Variants in PFKFB3 observed in about 807,000 individuals in gnomAD.
PFKFB3 encodes the protein 6-phosphofructo-2-kinase/fructose-2,6-bisphosphatase 3.
Under a neutral mutation model 68.0 loss-of-function variants are expected in PFKFB3, and 33 were observed. The ratio of observed to expected loss-of-function variants is 0.49; its 90% confidence interval spans 0.37 to 0.65. The LOEUF (loss-of-function observed/expected upper bound fraction) is 0.65, where lower values mean the gene tolerates loss of function less well. Among genes scored for constraint, PFKFB3 ranks in the 30% least tolerant of loss-of-function variants. The probability of loss-of-function intolerance (pLI) is 0.00; values close to 1 mark genes in which losing one functional copy is unlikely to be tolerated. For synonymous variants in PFKFB3, 315 were observed against 288.2 expected, an observed-to-expected ratio of 1.09 and a Z score of -0.94; for missense variants, 586 against 712.2, an observed-to-expected ratio of 0.82 and a Z score of 2.02.
chr10:6,244,023 C>G (rs575753135), intron 14 of PFKFB3, among the ~76,000 whole-genome samples: 1 of 152,270 alleles, frequency 6.6e-6, no homozygotes, highest in African/African-American at 2.4e-5. Flanking sequence ...TCACGCCCAG[C>G]TAATACTTTT....
chr10:6,313,981 G>C, the PFKFB3 span, among the ~76,000 whole-genome samples: 388 of 152,356 alleles, frequency 2.5e-3, 3 homozygotes, highest in African/African-American at 9.1e-3. This position sits in a 1 kb window ranked among gnomAD's most constrained non-coding sequence, Gnocchi z 4.2. Flanking sequence ...CAGGGGACAG[G>C]TATGGGTGAG....
the PFKFB3 span, chr10:6,326,621 C>T: frequency 4.2e-5 from 19 of 448,148 alleles, no homozygotes; most frequent in African/African-American, 2.8e-4. Flanking sequence ...AGTGTGAAAA[C>T]GTTTCTGGCT....
the PFKFB3 span, among the ~76,000 whole-genome samples, chr10:6,287,579 T>G: frequency 7.9e-5 from 12 of 152,296 alleles, no homozygotes; most frequent in South Asian, 2.1e-3. Context: ...CTATCTAGGT[T>G]TGTGTAAGTA....
intron 14 of PFKFB3, among the ~76,000 whole-genome samples, chr10:6,230,727 T>C (rs1845682032): frequency 6.6e-6 from 1 of 151,988 alleles, no homozygotes; most frequent in Non-Finnish European, 1.5e-5. Context: ...GTCTTTTTTT[T>C]TTTTTGAGAT....
chr10:6,159,181 G>C (rs1167599543), intron 1 of PFKFB3, among the ~76,000 whole-genome samples: 1 of 152,102 alleles, frequency 6.6e-6, no homozygotes, highest in Non-Finnish European at 1.5e-5. Context: ...GATCCCTTGA[G>C]GTCAGGAGTT....
intron 1 of PFKFB3, among the ~76,000 whole-genome samples, chr10:6,157,487 A>G (rs1403375392): frequency 1.3e-5 from 2 of 152,128 alleles, no homozygotes; most frequent in Admixed American, 6.5e-5. Context: ...CGGCCTCCCA[A>G]AGTGCTGGGA....
At chr10:6,239,521 C>A (rs192503032), downstream of PFKFB3, among the ~76,000 whole-genome samples, 5 of 152,140 alleles carry the variant, frequency 3.3e-5, no homozygotes, top group Non-Finnish European at 7.3e-5. Flanking sequence ...AGTGTCCAGA[C>A]GAACAACAGA....
intron 6 of PFKFB3, among the ~76,000 whole-genome samples, chr10:6,217,644 C>CT (rs1844677445): frequency 6.6e-6 from 1 of 152,166 alleles, no homozygotes; most frequent in Non-Finnish European, 1.5e-5. Flanking sequence ...AGGTAAGACT[C>CT]TCCTCCTGCT....
chr10:6,254,808 CTTTTTTTTTTTTTT>C (rs144888417), downstream of PFKFB3, among the ~76,000 whole-genome samples: 15 of 61,638 alleles, frequency 2.4e-4, no homozygotes, highest in East Asian at 3.4e-3. Context: ...TTTTTCTGTT[CTTTTTTTTTTTTTT>C]TTTTTTTTTT....
the PFKFB3 span, among the ~76,000 whole-genome samples, chr10:6,267,719 C>A: frequency 6.6e-6 from 1 of 151,996 alleles, no homozygotes; most frequent in Non-Finnish European, 1.5e-5. Flanking sequence ...TTTTGGGAGG[C>A]CGAGGCGGGC....
chr10:6,324,763 C>A, the PFKFB3 span, among the ~76,000 whole-genome samples: 1 of 150,970 alleles, frequency 6.6e-6, no homozygotes, highest in Admixed American at 6.6e-5. Flanking sequence ...GAACTATAGA[C>A]TTAAAAATGG....
At chr10:6,181,077 C>T (rs911327949) in intron 1 of PFKFB3, among the ~76,000 whole-genome samples, 1 of 152,102 alleles carries the variant, frequency 6.6e-6, no homozygotes, top group Non-Finnish European at 1.5e-5. Context: ...TGCAGTGGTG[C>T]AGTCATAGTA....
chr10:6,290,278 G>A, the PFKFB3 span, among the ~76,000 whole-genome samples: 1 of 151,618 alleles, frequency 6.6e-6, no homozygotes, highest in African/African-American at 2.4e-5. Flanking sequence ...TCCCTGTCTT[G>A]TGCCAGTTTT....
rs148966778 is a variant in PFKFB3, at chr10:6,226,078, G to C, written c.1342-114G>C. 1.7e-4 allele frequency: 155 copies of C among 931,674 alleles called. No individual in the cohort carries two copies. In the African/African-American group the frequency reaches 2.3e-3, roughly 14 times the overall value. The allele number at this position is 931,674 out of a possible 1,614,324, so 57.7% of individuals were successfully genotyped here. ...GCCCGTGGTCCCGGCCACTCCCCTC[G>C]GTCAGTCTTTTTGCCTCTCTAAAAT... On this transcript the variant is annotated intron_variant, in intron 13 of 14. Transcript: ENST00000379775.
chr10:6,189,309 T>C (rs1194956881), intron 1 of PFKFB3, among the ~76,000 whole-genome samples: 1 of 152,218 alleles, frequency 6.6e-6, no homozygotes, highest in Non-Finnish European at 1.5e-5. Flanking sequence ...TCACTTATTT[T>C]TTAGAATATC....
the PFKFB3 span, among the ~76,000 whole-genome samples, chr10:6,285,225 A>AT: frequency 0.061 from 8,431 of 139,328 alleles, 345 homozygotes; most frequent in African/African-American, 0.11. Context: ...TACAATCTCT[A>AT]TTTTTTTTTT....
chr10:6,256,586 G>A (rs2132086592), downstream of PFKFB3, among the ~76,000 whole-genome samples: 1 of 152,344 alleles, frequency 6.6e-6, no homozygotes, highest in South Asian at 2.1e-4. Context: ...CCACAAGGTG[G>A]CTGTTGTCAG....
chr10:6,231,386 A>G (rs1375934514), intron 14 of PFKFB3: 2 of 1,605,882 alleles, frequency 1.2e-6, no homozygotes, highest in Middle Eastern at 1.7e-4. Context: ...CAGACTGGCC[A>G]TCGTGCAATG....
In PFKFB3 at chr10:6,228,134, T is replaced by C; in HGVS notation, c.1515+1769T>C. 1 of 1,600,142 alleles carries C rather than the reference T, an allele frequency of 6.2e-7. No homozygotes were observed. The highest frequency in any genetic ancestry group is 1.1e-5 in the South Asian group (1 of 90,812). Reference sequence around the variant, plus strand: ...GGGCCGGCGTGGGGTTTTTCAGGGCTTCGTCCCTGCAGATTGCGCCCTGCC... The same window carrying C: ...GGGCCGGCGTGGGGTTTTTCAGGGCCTCGTCCCTGCAGATTGCGCCCTGCC... On this transcript the variant is annotated intron_variant, in intron 14 of 14. Transcript: ENST00000379775. The surrounding 1 kb of genome is among the most constrained non-coding windows in gnomAD (Gnocchi z 4.5).
Sources: allele counts gnomAD v4.1 joint callset (sites outside exome capture counted in the v4.1 genomes callset), GRCh38; gene constraint gnomAD v4.1.1; non-coding constraint Gnocchi (gnomAD v3.1); transcripts MANE v1.5; gene names NCBI Gene and HGNC (gene_info 2026-07-23, HGNC 2026-07-21).